Variants in UMAD1 observed in about 807,000 individuals in gnomAD.
UMAD1 encodes UBAP1-MVB12-associated (UMA)-domain containing protein 1.
UMAD1 carries 8 observed loss-of-function variants against 6.1 expected under a neutral mutation model. The observed-to-expected ratio is 1.30, with a 90% CI of 0.76 to 2.35. UMAD1 has a LOEUF of 2.35. Among genes scored for constraint, UMAD1 ranks in the 30% most tolerant of loss-of-function variants. The pLI is 0.00. For synonymous variants in UMAD1, 56 were observed against 31.4 expected (o/e 1.78, Z -2.61); for missense variants, 130 against 78.4 (o/e 1.66, Z -2.49).
chr7:7,647,243 C>T (rs1253368476), intron 1 of UMAD1, among the ~76,000 whole-genome samples: 2 of 152,102 alleles, frequency 1.3e-5, no homozygotes, highest in Admixed American at 6.5e-5. Context: ...TCTTTTTTGA[C>T]CCATGCATTA....
At chr7:7,804,911 G>A (rs897950855) in intron 3 of UMAD1, among the ~76,000 whole-genome samples, 27 of 151,982 alleles carry the variant, frequency 1.8e-4, no homozygotes, top group Non-Finnish European at 3.8e-4. Context: ...AACCTGGGAG[G>A]CGGGGGTTGC....
intron 1 of UMAD1, among the ~76,000 whole-genome samples, chr7:7,657,660 C>T (rs1019630087): frequency 1.3e-5 from 2 of 151,974 alleles, no homozygotes; most frequent in East Asian, 3.9e-4. Context: ...TGTTCTGTTC[C>T]ATTGGTGTAT....
intron 2 of UMAD1, among the ~76,000 whole-genome samples, chr7:7,762,984 A>G (rs1781920427): frequency 6.6e-6 from 1 of 152,218 alleles, no homozygotes; most frequent in African/African-American, 2.4e-5. Context: ...AGTGATATTA[A>G]ATAAACAATG....
At position 7,801,727 on chromosome 7, in the gene UMAD1, C is replaced by T. The variant is rs1358940641; in HGVS notation, c.140C>T (p.Ala47Val). Reference sequence around the variant, plus strand: ...AGAGGCAAAACTTCGGACATAGAGGCCAACCAACCTTTGGAGGTAAGTGAA... The same window carrying T: ...AGAGGCAAAACTTCGGACATAGAGGTCAACCAACCTTTGGAGGTAAGTGAA... The part of the protein sequence containing the change: ...TARGKTSDIE[A>V]NQPLETNKEN... Residue 47 changes from alanine (A) to valine (V), a missense_variant, in exon 3 of 4, where the codon GCC (alanine) becomes GTC (valine). Coordinates refer to ENST00000682710, the MANE Select transcript of UMAD1 (RefSeq NM_001302348.2). The T allele has an allele frequency of 1.4e-6, 1 of 718,000 alleles. No individual in the cohort carries two copies. The highest frequency in any genetic ancestry group is 1.5e-5 in the South Asian group (1 of 67,584). 44.5% of individuals were successfully genotyped at this position (718,000 alleles called of 1,614,324 possible). A position where few individuals can be genotyped will look rare whatever the true frequency, so the allele number is the denominator to read the frequency against.
chr7:7,646,480 ATTTTTTTTTTT>A (rs35948027), intron 1 of UMAD1, among the ~76,000 whole-genome samples: 2 of 111,360 alleles, frequency 1.8e-5, no homozygotes, highest in African/African-American at 3.6e-5. Flanking sequence ...CTTTCGCTGG[ATTTTTTTTTTT>A]TTTTTTTTTT....
At chr7:7,741,044 A>T (rs1272926258) in intron 2 of UMAD1, 1 of 152,190 alleles carries the variant, frequency 6.6e-6, no homozygotes, top group Non-Finnish European at 1.5e-5. Flanking sequence ...CCTGACTTTT[A>T]GACTTTTTTT....
chr7:7,789,619 T>TCCCCCC (rs200939941), intron 2 of UMAD1, among the ~76,000 whole-genome samples: 2 of 145,978 alleles, frequency 1.4e-5, no homozygotes, highest in African/African-American at 5.3e-5. Flanking sequence ...ATACCCCTTC[T>TCCCCCC]CCCCTCCCCA....
At chr7:7,813,006 T>C (rs1783050793) in intron 3 of UMAD1, among the ~76,000 whole-genome samples, 1 of 152,212 alleles carries the variant, frequency 6.6e-6, no homozygotes, top group African/African-American at 2.4e-5. Flanking sequence ...AAAAGTAACA[T>C]GTAGGTATGC....
intron 2 of UMAD1, among the ~76,000 whole-genome samples, chr7:7,703,608 T>C (rs1326164603): frequency 1.3e-5 from 2 of 152,204 alleles, no homozygotes. Flanking sequence ...AACAACAATT[T>C]GTCCTAATCA....
At chr7:7,738,345 G>C (rs1013164762) in intron 2 of UMAD1, among the ~76,000 whole-genome samples, 1 of 152,172 alleles carries the variant, frequency 6.6e-6, no homozygotes, top group African/African-American at 2.4e-5. Context: ...TATTCATCAA[G>C]TCATAAAATT....
intron 1 of UMAD1, among the ~76,000 whole-genome samples, chr7:7,657,704 G>A (rs62452508): frequency 0.058 from 8,875 of 152,160 alleles, 338 homozygotes; most frequent in Middle Eastern, 0.13. Context: ...ATGCTGTTTT[G>A]GTTACTGTAG....
chr7:7,699,292 T>C (rs932312348), intron 2 of UMAD1, among the ~76,000 whole-genome samples: 3 of 152,212 alleles, frequency 2.0e-5, no homozygotes, highest in Non-Finnish European at 4.4e-5. Context: ...TAGTTTTCAT[T>C]GACTCTTTAT....
intron 2 of UMAD1, among the ~76,000 whole-genome samples, chr7:7,795,672 C>A (rs1782661574): frequency 6.6e-6 from 1 of 152,150 alleles, no homozygotes; most frequent in Non-Finnish European, 1.5e-5. Flanking sequence ...GCAGGGATTT[C>A]CCAGAGCTGA....
chr7:7,792,769 G>A (rs73054014), intron 2 of UMAD1, among the ~76,000 whole-genome samples: 3 of 152,260 alleles, frequency 2.0e-5, no homozygotes, highest in Non-Finnish European at 4.4e-5. Flanking sequence ...TTTATTTCTC[G>A]CAGTTCTGGA....
At chr7:7,778,383 C>T (rs1443679408) in intron 2 of UMAD1, among the ~76,000 whole-genome samples, 5 of 151,282 alleles carry the variant, frequency 3.3e-5, no homozygotes, top group African/African-American at 7.3e-5. Flanking sequence ...TGGTACTGTT[C>T]TTTCAAATTT....
At chr7:7,656,016 G>A (rs1418061727) in intron 1 of UMAD1, among the ~76,000 whole-genome samples, 1 of 151,982 alleles carries the variant, frequency 6.6e-6, no homozygotes, top group Admixed American at 6.6e-5. Flanking sequence ...TGTATTTTTA[G>A]TAGAGACGGG....
intron 3 of UMAD1, among the ~76,000 whole-genome samples, chr7:7,876,693 T>C (rs1001172842): frequency 1.3e-5 from 2 of 152,200 alleles, no homozygotes; most frequent in African/African-American, 4.8e-5. Context: ...AGATAAATTA[T>C]GAGTACATAT....
In UMAD1 at chr7:7,653,889, C is replaced by T. The variant is rs145667821; in HGVS notation, c.-64+13068C>T. Among the ~76,000 whole-genome samples, 313 of 152,294 alleles carry T rather than the reference C, an allele frequency of 2.1e-3. 2 individuals are homozygous for T. The highest frequency in any genetic ancestry group is 6.8e-3 in the Middle Eastern group (2 of 294). ...GCCAGAGATGGTGCTAAACATGATA[C>T]AGTGCTAAGGACAGCCTCCCACAAC... On this transcript the variant is annotated intron_variant, in intron 1 of 3. Coordinates refer to ENST00000682710, the MANE Select transcript of UMAD1 (RefSeq NM_001302348.2).
At chr7:7,706,369 A>G (rs896512012) in intron 2 of UMAD1, among the ~76,000 whole-genome samples, 9 of 152,148 alleles carry the variant, frequency 5.9e-5, no homozygotes, top group Non-Finnish European at 1.2e-4. Context: ...TAGAGCATGT[A>G]TGATTGGAAG....
Sources: allele counts gnomAD v4.1 joint callset (sites outside exome capture counted in the v4.1 genomes callset), GRCh38; gene constraint gnomAD v4.1.1; transcripts MANE v1.5; gene names NCBI Gene and HGNC (gene_info 2026-07-23, HGNC 2026-07-21).